PDHX: variants seen among roughly 807,000 people sequenced by gnomAD.
PDHX encodes pyruvate dehydrogenase protein X component, mitochondrial.
PDHX carries 33 observed loss-of-function variants against 55.3 expected under a neutral mutation model. That is an observed-to-expected ratio of 0.60 (90% CI 0.45 to 0.80). The LOEUF (loss-of-function observed/expected upper bound fraction) is 0.80. Ranked by LOEUF, PDHX falls within the 30% of genes least tolerant of loss-of-function variation. The pLI is 0.00. For synonymous variants in PDHX, 226 were observed against 219.4 expected, an observed-to-expected ratio of 1.03 and a Z score of -0.27; for missense variants, 622 against 619.9, an observed-to-expected ratio of 1.00 and a Z score of -0.04.
At chr11:34,987,368 C>T (rs974649641) in intron 9 of PDHX, among the ~76,000 whole-genome samples, 14 of 152,000 alleles carry the variant, frequency 9.2e-5, no homozygotes, top group African/African-American at 3.4e-4. Context: ...TTTGGTTGTA[C>T]TCGGAAAAAA....
chr11:34,986,693 C>CT (rs1405255782), intron 9 of PDHX, among the ~76,000 whole-genome samples: 3 of 152,100 alleles, frequency 2.0e-5, no homozygotes, highest in East Asian at 1.9e-4. Flanking sequence ...CCTGAAGACT[C>CT]TAAGTTTAAG....
At chr11:34,938,665 A>G (rs1002846583) in intron 2 of PDHX, among the ~76,000 whole-genome samples, 5 of 152,246 alleles carry the variant, frequency 3.3e-5, no homozygotes, top group East Asian at 3.8e-4. Flanking sequence ...ATAGGTAAGC[A>G]GATGAGGGGA....
Position 34,959,499 on chromosome 11 carries a change from A to G in PDHX, c.543-921A>G, listed in dbSNP as rs553880892. ...GGAACCCTTGTTGTTGCCTAGTGGA[A>G]GTGTAAAATGCTGCAGCTACTGTGG... On this transcript the variant is annotated intron_variant, in intron 4 of 10. Transcript: ENST00000227868. Among the ~76,000 whole-genome samples, 7 of 152,034 alleles carry G rather than the reference A, an allele frequency of 4.6e-5. No homozygotes were observed. In the East Asian group the frequency reaches 9.6e-4, roughly 21 times the overall value.
At chr11:34,947,316 A>T (rs1253613044) in intron 2 of PDHX, among the ~76,000 whole-genome samples, 190 bp from the exon 3 acceptor site, 1 of 152,100 alleles carries the variant, frequency 6.6e-6, no homozygotes, top group Non-Finnish European at 1.5e-5. Context: ...GCTTTTGGAA[A>T]TTACAGCAAA....
At chr11:34,949,246 T>C (rs1854696140) in intron 3 of PDHX, among the ~76,000 whole-genome samples, 1 of 152,174 alleles carries the variant, frequency 6.6e-6, no homozygotes, top group South Asian at 2.1e-4. Context: ...TGTTTTTTGT[T>C]TTTGTTTTTG....
In PDHX at chr11:34,926,767, T is replaced by C. The variant is rs187206545; in HGVS notation, c.161-4637T>C. 5.0e-3 allele frequency among the ~76,000 whole-genome samples: 765 copies of C among 152,172 alleles called. 7 individuals carry two copies. The highest frequency in any genetic ancestry group is 0.017 in the African/African-American group (725 of 41,556). On this transcript the variant is annotated intron_variant, in intron 1 of 10. Coordinates refer to ENST00000227868, the MANE Select transcript of PDHX (RefSeq NM_003477.3). ...GTTTGCTGAAGTATGAGCATTTTGT[T>C]CTTAGGATAAAAGAAATACTTTAGG...
intron 7 of PDHX, among the ~76,000 whole-genome samples, 195 bp downstream of exon 7, chr11:34,970,481 G>A (rs1030840124): frequency 5.9e-5 from 9 of 152,054 alleles, no homozygotes; most frequent in African/African-American, 1.9e-4. Context: ...AAAGTGAATT[G>A]GTTCCACAGT....
chr11:34,995,048 T>G lies in PDHX; in HGVS notation c.1382T>G (p.Leu461Arg), dbSNP rs141886009. ...LTEDEEGNAK[L>R]QQRQLITVTM... ...GAGGATGAAGAGGGAAATGCCAAAC[T>G]GCAGCAGCGCCAGCTCATAACAGTC... is the stretch of plus-strand genomic sequence containing the variant. Residue 461 changes from leucine to arginine, a missense_variant, in exon 11 of 11, where the codon CTG (leucine) becomes CGG (arginine). By Grantham distance (102) the Leu-to-Arg change is moderately radical. Coordinates refer to ENST00000227868, the MANE Select transcript of PDHX (RefSeq NM_003477.3). 6.2e-7 allele frequency: 1 copy of G among 1,614,084 alleles called. No individual in the cohort carries two copies. Among genetic ancestry groups the G allele is most frequent in the Admixed American group, 1.7e-5 (1 of 60,000 alleles).
rs544794914 is a variant in PDHX at position 34,983,490 on chromosome 11, G to T, written c.1024-1080G>T. Among the ~76,000 whole-genome samples the T allele has an allele frequency of 6.4e-4, 98 of 152,314 alleles. 2 individuals carry two copies. In the South Asian group the frequency reaches 8.1e-3, roughly 13 times the overall value. ...GAAAAGAAGAAGTCAAATTGTCCCT[G>T]TTTGCAGATGACATGATTGTATATC... On this transcript the variant is annotated intron_variant, in intron 8 of 10. Coordinates refer to ENST00000227868, the MANE Select transcript of PDHX (RefSeq NM_003477.3).
At chr11:34,951,231 G>T (rs1237425353) in intron 3 of PDHX, among the ~76,000 whole-genome samples, 2 of 151,612 alleles carry the variant, frequency 1.3e-5, no homozygotes, top group African/African-American at 2.4e-5. Context: ...TAATTTTTCT[G>T]TATTTTTTTA....
intron 3 of PDHX, among the ~76,000 whole-genome samples, chr11:34,950,429 G>A (rs1442544267): frequency 6.7e-6 from 1 of 149,968 alleles, no homozygotes; most frequent in Non-Finnish European, 1.5e-5. Flanking sequence ...CAATGTGCAG[G>A]TTAGTTACAT....
intron 3 of PDHX, among the ~76,000 whole-genome samples, chr11:34,951,951 G>A (rs1854782174): frequency 6.6e-6 from 1 of 152,044 alleles, no homozygotes; most frequent in African/African-American, 2.4e-5. Context: ...TTATTAAATA[G>A]GGAATCCTTT....
chr11:34,938,631 A>G (rs1854393985), intron 2 of PDHX, among the ~76,000 whole-genome samples: 1 of 152,196 alleles, frequency 6.6e-6, no homozygotes, highest in South Asian at 2.1e-4. Context: ...AAAAAGATTA[A>G]CTTTCTTCAC....
At chr11:34,935,761 A>G (rs1854294587) in intron 2 of PDHX, among the ~76,000 whole-genome samples, 1 of 152,216 alleles carries the variant, frequency 6.6e-6, no homozygotes, top group Non-Finnish European at 1.5e-5. Context: ...TGGTGAATCA[A>G]GTGTTAAAAA....
intron 3 of PDHX, among the ~76,000 whole-genome samples, chr11:34,948,555 C>G (rs1198784672): frequency 6.9e-6 from 1 of 143,888 alleles, no homozygotes; most frequent in Non-Finnish European, 1.5e-5. Flanking sequence ...GTTTTTCTTT[C>G]TAGAAAATCC....
chr11:34,949,703 A>C (rs974120422), intron 3 of PDHX, among the ~76,000 whole-genome samples: 4 of 152,190 alleles, frequency 2.6e-5, no homozygotes, highest in African/African-American at 9.6e-5. Context: ...GGTTTATTAG[A>C]GGTTCTCTAA....
At chr11:34,984,497 T>C in intron 8 of PDHX, 73 bp from the exon 9 acceptor site, 1 of 1,318,666 alleles carries the variant, frequency 7.6e-7, no homozygotes, top group Non-Finnish European at 1.1e-6. Context: ...AAATGCACAA[T>C]GATTTTATTT....
chr11:34,932,298 A>G (rs1174661559), intron 2 of PDHX, among the ~76,000 whole-genome samples: 1 of 152,186 alleles, frequency 6.6e-6, no homozygotes, highest in East Asian at 1.9e-4. Context: ...TTATATGGCT[A>G]AAAATACAAG....
intron 1 of PDHX, among the ~76,000 whole-genome samples, chr11:34,928,466 C>CTT (rs1206099542): frequency 2.1e-5 from 3 of 140,000 alleles, no homozygotes. Flanking sequence ...CACCCCCCTC[C>CTT]TTTTTTTTTT....
Sources: gnomAD v4.1 joint callset for allele counts (sites outside exome capture counted in the v4.1 genomes callset) on GRCh38, gnomAD v4.1.1 for gene constraint, MANE v1.5 for transcripts, NCBI Gene and HGNC (gene_info 2026-07-23, HGNC 2026-07-21) for gene names.